The following SLC35F1 variants were observed in gnomAD, a reference collection of about 807,000 sequenced individuals.
The protein encoded by SLC35F1 is solute carrier family 35 member F1.
A neutral mutation model predicts 48.7 loss-of-function variants in SLC35F1; 14 were observed. The observed-to-expected ratio is 0.29, with a 90% CI of 0.19 to 0.45. SLC35F1 has a LOEUF of 0.45. SLC35F1 is among the 20% of genes least tolerant of loss of function. SLC35F1 has a pLI of 1.00. For synonymous variants in SLC35F1, 190 were observed against 202.2 expected, an observed-to-expected ratio of 0.94 and a Z score of 0.51; for missense variants, 404 against 500.0, an observed-to-expected ratio of 0.81 and a Z score of 1.83.
chr6:118,285,022 G>C (rs548657369), intron 6 of SLC35F1, among the ~76,000 whole-genome samples, 162 bp from the exon 7 acceptor site: 1 of 152,070 alleles, frequency 6.6e-6, no homozygotes, highest in East Asian at 1.9e-4. Flanking sequence ...TTTAATTTTT[G>C]TACTGTGTTA....
At chr6:117,930,524 G>GACCT (rs1306140083) in intron 1 of SLC35F1, among the ~76,000 whole-genome samples, 1 of 152,040 alleles carries the variant, frequency 6.6e-6, no homozygotes, top group Non-Finnish European at 1.5e-5. Context: ...CAAAGTACAG[G>GACCT]ACCTAGATAG....
chr6:118,022,882 C>T (rs368748590), intron 1 of SLC35F1, among the ~76,000 whole-genome samples: 44 of 151,876 alleles, frequency 2.9e-4, no homozygotes, highest in East Asian at 2.2e-3. Context: ...TCCTGAGTAG[C>T]TGGGACTACA....
intron 1 of SLC35F1, among the ~76,000 whole-genome samples, chr6:118,016,707 C>G (rs1254689958): frequency 2.0e-5 from 3 of 152,222 alleles, no homozygotes; most frequent in Admixed American, 2.0e-4. Context: ...TTAATATTTG[C>G]TTAGCGCTTG....
rs565414061 is a variant in SLC35F1, at chr6:118,258,710, A to G, written c.478-8285A>G. On this transcript the variant is annotated intron_variant, in intron 3 of 7. Transcript: ENST00000360388. Reference sequence around the variant, plus strand: ...CATGATACTGTTGGTAGTATGGTATATAACATGACCCTAAAATGGATCTTA... The same window carrying G: ...CATGATACTGTTGGTAGTATGGTATGTAACATGACCCTAAAATGGATCTTA... Among the ~76,000 whole-genome samples, 3 of 152,178 alleles carry G rather than the reference A, an allele frequency of 2.0e-5. No individual in the cohort carries two copies. In the South Asian group the frequency reaches 6.2e-4, roughly 32 times the overall value.
intron 7 of SLC35F1, among the ~76,000 whole-genome samples, chr6:118,299,023 T>C (rs141751538): frequency 6.6e-6 from 1 of 152,116 alleles, no homozygotes; most frequent in African/African-American, 2.4e-5. Flanking sequence ...AACATATATA[T>C]TTTTTAAATT....
chr6:118,198,923 C>T (rs1758270591), intron 2 of SLC35F1, among the ~76,000 whole-genome samples: 1 of 152,222 alleles, frequency 6.6e-6, no homozygotes, highest in Non-Finnish European at 1.5e-5. Context: ...CACAGCAAGT[C>T]AGGCCAAGCA....
chr6:117,929,455 G>GTT (rs1776072408), intron 1 of SLC35F1, among the ~76,000 whole-genome samples: 2 of 128,650 alleles, frequency 1.6e-5, no homozygotes, highest in South Asian at 4.5e-4. Context: ...ATGTATTTAT[G>GTT]TGTGTGTGTG....
At chr6:118,055,022 GCCTCGGCC>G (rs1772444166) in intron 1 of SLC35F1, among the ~76,000 whole-genome samples, 1 of 152,176 alleles carries the variant, frequency 6.6e-6, no homozygotes, top group Admixed American at 6.5e-5. Context: ...TGATCCGCCT[GCCTCGGCC>G]TCCCATAGTG....
chr6:118,194,815 C>G (rs1562321386), intron 2 of SLC35F1, among the ~76,000 whole-genome samples: 2 of 152,170 alleles, frequency 1.3e-5, no homozygotes. Flanking sequence ...TCTAAGTTCT[C>G]TTTCCCTGAA....
intron 2 of SLC35F1, among the ~76,000 whole-genome samples, chr6:118,157,095 A>G (rs897969324): frequency 2.0e-5 from 3 of 152,108 alleles, no homozygotes; most frequent in Non-Finnish European, 2.9e-5. Context: ...AATAGGTATG[A>G]TTATCCAAAA....
intron 2 of SLC35F1, among the ~76,000 whole-genome samples, chr6:118,176,809 T>G (rs947893534): frequency 6.6e-6 from 1 of 152,118 alleles, no homozygotes; most frequent in Non-Finnish European, 1.5e-5. Flanking sequence ...GCACCTTCCC[T>G]TGGGATGCTT....
intron 4 of SLC35F1, among the ~76,000 whole-genome samples, chr6:118,273,951 A>C (rs1405619963): frequency 2.6e-5 from 4 of 152,236 alleles, no homozygotes; most frequent in African/African-American, 7.2e-5. Context: ...ATTTAGAGAT[A>C]GAATCTTCCA....
At chr6:118,106,590 T>A (rs1773330846) in intron 1 of SLC35F1, among the ~76,000 whole-genome samples, 1 of 152,224 alleles carries the variant, frequency 6.6e-6, no homozygotes, top group South Asian at 2.1e-4. Context: ...CTTACTGGTT[T>A]AATTTTGTTT....
intron 2 of SLC35F1, among the ~76,000 whole-genome samples, chr6:118,194,962 A>G (rs1049353733): frequency 1.3e-5 from 2 of 152,156 alleles, no homozygotes; most frequent in Non-Finnish European, 2.9e-5. Context: ...ATGCTGTCCA[A>G]GGAGTTTCAT....
At chr6:117,994,364 C>T (rs1776958338) in intron 1 of SLC35F1, among the ~76,000 whole-genome samples, 1 of 152,094 alleles carries the variant, frequency 6.6e-6, no homozygotes, top group South Asian at 2.1e-4. Context: ...AGGATAACCT[C>T]CCAATTTTAA....
chr6:117,984,482 A>G (rs1298763147), intron 1 of SLC35F1, among the ~76,000 whole-genome samples: 2 of 149,400 alleles, frequency 1.3e-5, no homozygotes, highest in Non-Finnish European at 3.0e-5. Context: ...CGACAGAGCA[A>G]GACTCGGTCT....
chr6:118,239,325 T>G (rs1237388372), intron 3 of SLC35F1, among the ~76,000 whole-genome samples: 2 of 150,962 alleles, frequency 1.3e-5, no homozygotes, highest in African/African-American at 4.9e-5. Flanking sequence ...CCAGTGGTCC[T>G]TTATCTATAT....
chr6:118,280,021 G>A (rs998516939), intron 6 of SLC35F1, among the ~76,000 whole-genome samples: 6 of 152,068 alleles, frequency 3.9e-5, no homozygotes, highest in Admixed American at 6.6e-5. Flanking sequence ...TTCTTAACCC[G>A]AAGCACTTTT....
chr6:117,926,530 G>T (rs1776031020), intron 1 of SLC35F1, among the ~76,000 whole-genome samples: 1 of 152,122 alleles, frequency 6.6e-6, no homozygotes, highest in Non-Finnish European at 1.5e-5. Flanking sequence ...GTGTGTACAT[G>T]TGCATGTGCA....
Sources: gnomAD v4.1 joint callset for allele counts (sites outside exome capture counted in the v4.1 genomes callset) on GRCh38, gnomAD v4.1.1 for gene constraint, MANE v1.5 for transcripts, NCBI Gene and HGNC (gene_info 2026-07-23, HGNC 2026-07-21) for gene names.